The following CSMD1 variants were observed in gnomAD, a reference collection of about 807,000 sequenced individuals.
CSMD1 encodes the protein CUB and Sushi multiple domains 1.
Under a neutral mutation model 417.5 loss-of-function variants are expected in CSMD1, and 213 were observed. The observed-to-expected ratio is 0.51, with a 90% confidence interval of 0.46 to 0.57. The LOEUF is 0.57. Ranked by LOEUF, CSMD1 falls within the 20% of genes least tolerant of loss-of-function variation. The pLI, the probability that CSMD1 is intolerant of heterozygous loss-of-function variation, is 0.00. For missense variants in CSMD1, 6,923 were observed against 4,529.7 expected (o/e 1.53, Z -15.17); for synonymous variants, 2,862 against 1,736.8 (o/e 1.65, Z -16.11).
intron 1 of CSMD1, among the ~76,000 whole-genome samples, chr8:4,911,365 G>C (rs913556389): frequency 1.3e-5 from 2 of 152,130 alleles, no homozygotes; most frequent in Non-Finnish European, 2.9e-5. Context: ...GAAAATCACT[G>C]GGGAAAAGTC....
intron 52 of CSMD1, among the ~76,000 whole-genome samples, chr8:3,013,293 GA>G (rs1157947735): frequency 1.3e-5 from 2 of 152,142 alleles, no homozygotes; most frequent in African/African-American, 4.8e-5. Context: ...AAGATGTACA[GA>G]TGTCAGCATG....
At chr8:4,895,632 T>A (rs1177801183) in intron 1 of CSMD1, among the ~76,000 whole-genome samples, 1 of 152,030 alleles carries the variant, frequency 6.6e-6, no homozygotes, top group East Asian at 1.9e-4. Context: ...CCTACTCTGA[T>A]GTTGTGGTTG....
At chr8:4,000,706 T>C (rs1247957707) in intron 4 of CSMD1, among the ~76,000 whole-genome samples, 3 of 152,092 alleles carry the variant, frequency 2.0e-5, no homozygotes, top group African/African-American at 7.2e-5. Flanking sequence ...ACATTAATAT[T>C]TCCAGAGTAA....
chr8:3,697,513 T>C (rs1233383655), intron 7 of CSMD1, among the ~76,000 whole-genome samples: 2 of 152,196 alleles, frequency 1.3e-5, no homozygotes, highest in African/African-American at 2.4e-5. Flanking sequence ...GAAAGCTTCA[T>C]TGATTAGTTT....
intron 2 of CSMD1, among the ~76,000 whole-genome samples, chr8:4,593,920 G>A (rs905144726): frequency 5.3e-5 from 8 of 152,118 alleles, no homozygotes; most frequent in African/African-American, 1.9e-4. Context: ...TTGAGGGCCA[G>A]GAGTCTGAAA....
intron 2 of CSMD1, among the ~76,000 whole-genome samples, chr8:4,476,517 G>A (rs556895454): frequency 3.6e-4 from 54 of 151,900 alleles, no homozygotes; most frequent in Non-Finnish European, 5.6e-4. Context: ...ACTACTTTTC[G>A]GAGTTCTAAA....
rs564384313 is a variant in CSMD1, at chr8:4,841,166, G to C, written c.85+153166C>G. Among the ~76,000 whole-genome samples, 8 of 152,306 alleles carry C rather than the reference G, an allele frequency of 5.3e-5. No homozygotes were observed. In the South Asian group the frequency reaches 1.7e-3, roughly 32 times the overall value. ...AATGCATATATAAATAATGGTCAGA[G>C]CTTCTCCTCTCCTTGCAAAAGCAAA... On this transcript the variant is annotated intron_variant, in intron 1 of 69. Coordinates refer to ENST00000635120, the MANE Select transcript of CSMD1 (RefSeq NM_033225.6).
At chr8:3,831,938 C>T (rs1802402009) in intron 5 of CSMD1, among the ~76,000 whole-genome samples, 1 of 152,106 alleles carries the variant, frequency 6.6e-6, no homozygotes, top group South Asian at 2.1e-4. Flanking sequence ...GAGATTAGTC[C>T]TGGAAAGTTT....
chr8:3,993,451 T>C (rs983480959), intron 5 of CSMD1, among the ~76,000 whole-genome samples: 4 of 152,208 alleles, frequency 2.6e-5, no homozygotes, highest in Admixed American at 6.5e-5. Flanking sequence ...ATTCAAGCGT[T>C]CTTTGAAATT....
intron 3 of CSMD1, among the ~76,000 whole-genome samples, chr8:4,296,420 A>C (rs1797684129): frequency 6.6e-6 from 1 of 152,236 alleles, no homozygotes; most frequent in Non-Finnish European, 1.5e-5. Context: ...GGTTATCACA[A>C]GAGTGTGAGA....
intron 49 of CSMD1, among the ~76,000 whole-genome samples, chr8:3,069,307 C>T (rs1384803665): frequency 1.3e-5 from 2 of 151,808 alleles, no homozygotes; most frequent in Non-Finnish European, 2.9e-5. Context: ...TGGTGGCAGG[C>T]ATCTGTAATC....
chr8:4,822,256 A>T (rs2117391824), intron 1 of CSMD1, among the ~76,000 whole-genome samples: 1 of 152,238 alleles, frequency 6.6e-6, no homozygotes, highest in East Asian at 1.9e-4. Context: ...TGCTAACTAG[A>T]GGATCCGATT....
At chr8:3,146,264 C>T (rs997930948) in intron 40 of CSMD1, among the ~76,000 whole-genome samples, 14 of 151,928 alleles carry the variant, frequency 9.2e-5, no homozygotes, top group South Asian at 2.1e-4. Context: ...CTCAAGAAAA[C>T]GGAGACCGAA....
At chr8:4,839,845 A>C (rs1361017945) in intron 1 of CSMD1, among the ~76,000 whole-genome samples, 1 of 152,224 alleles carries the variant, frequency 6.6e-6, no homozygotes, top group African/African-American at 2.4e-5. Context: ...TGATGTTTGC[A>C]TGCTAGAATG....
At chr8:4,237,659 G>A (rs116942707) in intron 3 of CSMD1, among the ~76,000 whole-genome samples, 1,648 of 152,172 alleles carry the variant, frequency 0.011, 18 homozygotes, top group Non-Finnish European at 0.015. Flanking sequence ...GAGACTGGAG[G>A]TGTGCACCAC....
intron 1 of CSMD1, among the ~76,000 whole-genome samples, chr8:4,905,676 C>A (rs527754561): frequency 6.6e-6 from 1 of 151,000 alleles, no homozygotes; most frequent in African/African-American, 2.4e-5. Flanking sequence ...AAAAATTAGC[C>A]GGGCGTGGTG....
At position 4,980,154 on chromosome 8, in the gene CSMD1, G is replaced by A. The variant is rs376356795; in HGVS notation, c.85+14178C>T. Among the ~76,000 whole-genome samples, 70 of 152,258 alleles carry A rather than the reference G, an allele frequency of 4.6e-4. 1 individual carries two copies. The East Asian group carries it at 8.7e-3, about 19-fold the overall frequency. ...ACAAAGCAATAAAACCCTGTAACAC[G>A]CACACACAGAGAGTTCTGTGTCACC... On this transcript the variant is annotated intron_variant, in intron 1 of 69. Transcript: ENST00000635120.
intron 1 of CSMD1, among the ~76,000 whole-genome samples, chr8:4,907,390 C>T (rs1040874004): frequency 1.1e-4 from 17 of 152,092 alleles, no homozygotes. Context: ...TGTTAAAATC[C>T]CTCAAGTATG....
At chr8:4,456,359 T>G (rs569841413) in intron 2 of CSMD1, among the ~76,000 whole-genome samples, 3 of 152,118 alleles carry the variant, frequency 2.0e-5, no homozygotes, top group Non-Finnish European at 4.4e-5. Context: ...TTGGTAAAAA[T>G]ACTGTATCTG....
Sources: allele counts gnomAD v4.1 joint callset (sites outside exome capture counted in the v4.1 genomes callset), GRCh38; gene constraint gnomAD v4.1.1; transcripts MANE v1.5; gene names NCBI Gene and HGNC (gene_info 2026-07-23, HGNC 2026-07-21).